Variants in FSHR observed in about 807,000 individuals in gnomAD.
The protein encoded by FSHR is follicle stimulating hormone receptor.
FSHR carries 46 observed loss-of-function variants against 52.1 expected under a neutral mutation model. The observed-to-expected ratio is 0.88, with a 90% CI of 0.70 to 1.13. The LOEUF (loss-of-function observed/expected upper bound fraction) is 1.13, where lower values mean the gene tolerates loss of function less well. Among genes scored for constraint, FSHR ranks in the 50% most tolerant of loss-of-function variants. The probability of loss-of-function intolerance (pLI) is 0.00; values close to 1 mark genes in which losing one functional copy is unlikely to be tolerated. For missense variants in FSHR, 964 were observed against 834.6 expected, an observed-to-expected ratio of 1.16 and a Z score of -1.91; for synonymous variants, 399 against 309.6, an observed-to-expected ratio of 1.29 and a Z score of -3.03.
At chr2:49,103,298 C>T (rs969693643) in intron 1 of FSHR, among the ~76,000 whole-genome samples, 1 of 152,164 alleles carries the variant, frequency 6.6e-6, no homozygotes, top group Non-Finnish European at 1.5e-5. Context: ...AAGATCCTCT[C>T]TTCTGTAGAA....
intron 4 of FSHR, among the ~76,000 whole-genome samples, chr2:49,013,149 C>G (rs933094190): frequency 1.3e-5 from 2 of 150,274 alleles, no homozygotes; most frequent in African/African-American, 4.9e-5. Flanking sequence ...TTCTCACTCT[C>G]ACTCTTGGTA....
At chr2:49,084,517 G>T (rs1670300719) in intron 1 of FSHR, among the ~76,000 whole-genome samples, 1 of 152,204 alleles carries the variant, frequency 6.6e-6, no homozygotes, top group Non-Finnish European at 1.5e-5. Flanking sequence ...GAAGGAAATA[G>T]AGACAAAAAA....
intron 4 of FSHR, among the ~76,000 whole-genome samples, chr2:48,996,928 A>T (rs1012842717): frequency 2.6e-5 from 4 of 152,146 alleles, no homozygotes; most frequent in Non-Finnish European, 5.9e-5. Flanking sequence ...GCTAATATTG[A>T]TATTTCTATT....
At chr2:49,147,505 T>C (rs550020464) in intron 1 of FSHR, among the ~76,000 whole-genome samples, 142 of 152,222 alleles carry the variant, frequency 9.3e-4, no homozygotes, top group Non-Finnish European at 1.6e-3. Flanking sequence ...AAGGATAGCA[T>C]GCACCTTTAG....
intron 2 of FSHR, among the ~76,000 whole-genome samples, chr2:49,037,860 G>A (rs565216952): frequency 1.3e-5 from 2 of 152,008 alleles, no homozygotes; most frequent in East Asian, 1.9e-4. Context: ...AAGAGGAAGA[G>A]GATAAAAATA....
At chr2:49,127,802 C>CTTCTTG (rs1672078820) in intron 1 of FSHR, among the ~76,000 whole-genome samples, 7 of 55,014 alleles carry the variant, frequency 1.3e-4, no homozygotes, top group Admixed American at 3.0e-4. Flanking sequence ...TCTTCTTCTT[C>CTTCTTG]TTCTTCTTCT....
intron 2 of FSHR, among the ~76,000 whole-genome samples, chr2:49,049,230 A>C (rs1668768775): frequency 6.6e-6 from 1 of 152,114 alleles, no homozygotes; most frequent in Admixed American, 6.6e-5. Context: ...ATCTCTGAGC[A>C]CTGACAAATA....
At chr2:49,118,049 T>A (rs555090316) in intron 1 of FSHR, among the ~76,000 whole-genome samples, 7 of 152,284 alleles carry the variant, frequency 4.6e-5, no homozygotes, top group Non-Finnish European at 7.4e-5. Context: ...TGGGCCTACC[T>A]GATGAGTAGG....
intron 8 of FSHR, among the ~76,000 whole-genome samples, chr2:48,976,750 A>T (rs945328653): frequency 6.6e-6 from 1 of 151,944 alleles, no homozygotes; most frequent in Non-Finnish European, 1.5e-5. Flanking sequence ...TTTCTTTTAC[A>T]TTTTTTAGTT....
intron 1 of FSHR, among the ~76,000 whole-genome samples, chr2:49,127,864 TCTTCTTCTTCTTCTTCTTCTTCTTCTTC>T (rs1672107725): frequency 9.7e-5 from 4 of 41,268 alleles, no homozygotes; most frequent in African/African-American, 7.2e-4. Context: ...TTCTTCTTCT[TCTTCTTCTTCTTCTTCTTCTTCTTCTTC>T]TTCTTCTTTT....
intron 2 of FSHR, among the ~76,000 whole-genome samples, chr2:49,032,899 T>G (rs1423869150): frequency 1.3e-5 from 2 of 152,188 alleles, no homozygotes; most frequent in African/African-American, 4.8e-5. Flanking sequence ...ATATAAGTAT[T>G]TGGAGAAAAA....
At chr2:48,975,581 A>G (rs1392792280) in intron 8 of FSHR, among the ~76,000 whole-genome samples, 4 of 152,172 alleles carry the variant, frequency 2.6e-5, no homozygotes, top group African/African-American at 9.7e-5. Flanking sequence ...TCCAGCTTGC[A>G]GATAGCCTAT....
chr2:48,998,028 G>C (rs928819386), intron 4 of FSHR, among the ~76,000 whole-genome samples: 1 of 152,060 alleles, frequency 6.6e-6, no homozygotes, highest in Non-Finnish European at 1.5e-5. Flanking sequence ...TTTAGCCTCT[G>C]GCTCCTGGGT....
At chr2:48,969,579 T>G (rs1210665437) in intron 8 of FSHR, among the ~76,000 whole-genome samples, 1 of 152,180 alleles carries the variant, frequency 6.6e-6, no homozygotes, top group East Asian at 1.9e-4. Flanking sequence ...CTCAGAGGGT[T>G]GTTGTTAAAA....
chr2:49,021,835 C>CTCTT (rs1667713631), intron 2 of FSHR, among the ~76,000 whole-genome samples: 1 of 19,984 alleles, frequency 5.0e-5, no homozygotes, highest in African/African-American at 1.7e-4. Flanking sequence ...ATGTGTTTCT[C>CTCTT]TCTCTCTCTC....
At chr2:49,140,295 T>C (rs1178295192) in intron 1 of FSHR, among the ~76,000 whole-genome samples, 6 of 152,108 alleles carry the variant, frequency 3.9e-5, no homozygotes, top group African/African-American at 9.6e-5. Context: ...TGAAAGTGTG[T>C]GGCATTGCCC....
chr2:49,020,102 G>A lies in FSHR; in HGVS notation c.283C>T (p.Pro95Ser). The A allele has an allele frequency of 6.2e-7, 1 of 1,613,610 alleles. No individual in the cohort carries two copies. The highest frequency in any genetic ancestry group is 8.5e-7 in the Non-Finnish European group (1 of 1,179,578). Residue 95 changes from proline to serine, a missense_variant, in exon 3 of 10, where the codon CCC (proline) becomes TCC (serine). By Grantham distance (74) the Pro-to-Ser change is moderately conservative (BLOSUM62 -1). Coordinates refer to ENST00000406846, the MANE Select transcript of FSHR (RefSeq NM_000145.4). ...VIEADVFSNLPKLHEIRIEKA... is the reference protein window; with the variant it reads ...VIEADVFSNLSKLHEIRIEKA... ...CTTGCTTACATTTCATGTAATTTGGGAAGGTTGGAGAACACATCTGCCTCT... is the reference window on the plus strand; with the variant it reads ...CTTGCTTACATTTCATGTAATTTGGAAAGGTTGGAGAACACATCTGCCTCT...
At chr2:49,141,007 A>C (rs1470025193) in intron 1 of FSHR, among the ~76,000 whole-genome samples, 2 of 152,188 alleles carry the variant, frequency 1.3e-5, no homozygotes, top group Non-Finnish European at 2.9e-5. Flanking sequence ...CCATCTTCAT[A>C]AGAAATGTGT....
intron 2 of FSHR, among the ~76,000 whole-genome samples, chr2:49,045,977 A>G (rs764527722): frequency 6.6e-6 from 1 of 152,196 alleles, no homozygotes; most frequent in South Asian, 2.1e-4. Flanking sequence ...GGCACAAAAC[A>G]AAACACTATA....
Sources: gnomAD v4.1 joint callset for allele counts (sites outside exome capture counted in the v4.1 genomes callset) on GRCh38, gnomAD v4.1.1 for gene constraint, MANE v1.5 for transcripts, NCBI Gene and HGNC (gene_info 2026-07-23, HGNC 2026-07-21) for gene names.